Variants in GADL1 observed in about 807,000 individuals in gnomAD.
GADL1 encodes GAD like acidic amino acid decarboxylase 1, also known as acidic amino acid decarboxylase GADL1.
GADL1 carries 71 observed loss-of-function variants against 69.5 expected under a neutral mutation model. That is an observed-to-expected ratio of 1.02 (90% CI 0.84 to 1.25). GADL1 has a LOEUF of 1.25. Ranked by LOEUF, GADL1 falls within the 50% of genes most tolerant of loss-of-function variation. The pLI, the probability that GADL1 is intolerant of heterozygous loss-of-function variation, is 0.00. For missense variants in GADL1, 737 were observed against 631.8 expected (o/e 1.17, Z -1.79); for synonymous variants, 254 against 214.4 (o/e 1.18, Z -1.62).
chr3:30,810,432 G>T (rs141950148), intron 11 of GADL1, among the ~76,000 whole-genome samples: 121 of 151,812 alleles, frequency 8.0e-4, no homozygotes, highest in African/African-American at 2.5e-3. Flanking sequence ...TATATATAGA[G>T]AGAGAGATCT....
chr3:30,770,044 C>T (rs528957540), intron 14 of GADL1, among the ~76,000 whole-genome samples: 3 of 112,314 alleles, frequency 2.7e-5, no homozygotes, highest in African/African-American at 8.1e-5. Flanking sequence ...AAATAAGACC[C>T]GGCAACCCTG....
chr3:30,761,124 C>T (rs1309927002), intron 14 of GADL1, among the ~76,000 whole-genome samples: 1 of 152,054 alleles, frequency 6.6e-6, no homozygotes, highest in Non-Finnish European at 1.5e-5. Flanking sequence ...CTGAAGAGAC[C>T]CTGGACGTAA....
intron 6 of GADL1, among the ~76,000 whole-genome samples, chr3:30,845,187 G>A (rs17026685): frequency 0.021 from 3,178 of 152,270 alleles, 119 homozygotes; most frequent in African/African-American, 0.071. Context: ...TATGGCATGA[G>A]TGAGGCTAAT....
intron 6 of GADL1, among the ~76,000 whole-genome samples, chr3:30,845,568 G>A (rs1575231940): frequency 6.6e-6 from 1 of 152,040 alleles, no homozygotes; most frequent in Admixed American, 6.6e-5. Flanking sequence ...AAAAATAAAT[G>A]CAGAAGTAAC....
intron 11 of GADL1, among the ~76,000 whole-genome samples, chr3:30,821,139 A>C (rs1018134589): frequency 6.6e-6 from 1 of 152,068 alleles, no homozygotes; most frequent in African/African-American, 2.4e-5. Context: ...ACACATGGAC[A>C]CAGGAAGGGG....
chr3:30,756,596 A>AC (rs1695976536), intron 14 of GADL1, among the ~76,000 whole-genome samples: 1 of 152,172 alleles, frequency 6.6e-6, no homozygotes, highest in African/African-American at 2.4e-5. Context: ...CTAAATTCTG[A>AC]CCCAAGGCCT....
At position 30,844,434 on chromosome 3, in the gene GADL1, A is replaced by G. The variant is rs1698022110; in HGVS notation, c.684T>C (p.Phe228=). The change falls in exon 7 of 15, where the codon TTT becomes TTC. Residue 228 remains phenylalanine, a synonymous_variant. Transcript: ENST00000282538. The part of the protein sequence containing the change: ...CHYSMKKAAS[F]LGIGTENVCF... ...AAACATTCTCAGTGCCAATCCCAAGAAAAGAGGCTGCCTTCTTCATAGAGT... is the reference window on the plus strand; with the variant it reads ...AAACATTCTCAGTGCCAATCCCAAGGAAAGAGGCTGCCTTCTTCATAGAGT... 4.3e-6 allele frequency: 7 copies of G among 1,613,318 alleles called. No individual in the cohort carries two copies. Among genetic ancestry groups the G allele is most frequent in the Non-Finnish European group, 5.9e-6 (7 of 1,179,272 alleles).
At chr3:30,815,344 A>AG (rs1559507519) in intron 11 of GADL1, among the ~76,000 whole-genome samples, 2 of 152,286 alleles carry the variant, frequency 1.3e-5, no homozygotes, top group South Asian at 2.1e-4. Context: ...GTCGGTTAGG[A>AG]GGAGGGCTAT....
At chr3:30,813,732 G>A (rs779881893) in intron 11 of GADL1, among the ~76,000 whole-genome samples, 18 of 152,304 alleles carry the variant, frequency 1.2e-4, no homozygotes, top group East Asian at 3.9e-4. Context: ...TTCCCTGGTC[G>A]TCTTTGTATA....
Position 30,770,680 on chromosome 3 carries a change from C to T in GADL1, c.1392+7499G>A, listed in dbSNP as rs1438643848. On this transcript the variant is annotated intron_variant, in intron 14 of 14. Coordinates refer to ENST00000282538, the MANE Select transcript of GADL1 (RefSeq NM_207359.3). ...AGGCCCATGAGCTCAGAGAACTGGT[C>T]TCATCCTGACCTCAGGCCCGTGAGC... Among the ~76,000 whole-genome samples the T allele has an allele frequency of 2.0e-5, 3 of 152,134 alleles. No individual in the cohort carries two copies. In the East Asian group the frequency reaches 5.8e-4, roughly 29 times the overall value.
At position 30,800,957 on chromosome 3, in the gene GADL1, C is replaced by A; in HGVS notation, c.1182G>T (p.Trp394Cys). The change falls in exon 12 of 15, where the codon TGG becomes TGT. Residue 394 changes from tryptophan to cysteine, a missense_variant. Transcript: ENST00000282538. ...ATGTACCCAGGGCCTTCCAGGTCAT[C>A]CAGAACTTGAATGCATCTGGTCTTC... Reference protein sequence around the residue: ...CSRRPDAFKFWMTWKALGTLG... With the variant: ...CSRRPDAFKFCMTWKALGTLG... The A allele has an allele frequency of 6.2e-7, 1 of 1,613,732 alleles. No homozygotes were observed. The highest frequency in any genetic ancestry group is 8.5e-7 in the Non-Finnish European group (1 of 1,179,912).
intron 3 of GADL1, 41 bp from the exon 4 acceptor site, chr3:30,854,830 A>G (rs1296274713): frequency 9.9e-7 from 1 of 1,013,714 alleles, no homozygotes; most frequent in Admixed American, 2.4e-5. Context: ...GCAGCAATAA[A>G]AAAAAAAACT....
intron 1 of GADL1, among the ~76,000 whole-genome samples, chr3:30,880,334 C>T (rs1256114619): frequency 6.6e-6 from 1 of 151,864 alleles, no homozygotes; most frequent in African/African-American, 2.4e-5. Flanking sequence ...ACCCAAATCT[C>T]ATCTTGAACT....
intron 11 of GADL1, among the ~76,000 whole-genome samples, chr3:30,822,774 CATTTT>C (rs1415272411): frequency 6.6e-6 from 1 of 152,006 alleles, no homozygotes; most frequent in Non-Finnish European, 1.5e-5. Context: ...GCAGTGTTCT[CATTTT>C]ATTTACATTC....
intron 14 of GADL1, among the ~76,000 whole-genome samples, chr3:30,777,259 A>T (rs1696560036): frequency 6.6e-6 from 1 of 152,094 alleles, no homozygotes; most frequent in East Asian, 1.9e-4. Flanking sequence ...TTTAAAAAAA[A>T]AACGTTTTCC....
In GADL1 at chr3:30,850,892, GA is replaced by G; in HGVS notation, c.477del (p.Leu160Ter). The G allele has an allele frequency of 4.5e-6, 7 of 1,550,498 alleles. No homozygotes were observed. Among genetic ancestry groups the G allele is most frequent in the Non-Finnish European group, 6.1e-6 (7 of 1,146,132 alleles). ...SPVFLLVEEAVLKKMIEFIGW... is the reference protein window; with the variant it reads ...SPVFLLVEEAXLKKMIEFIGW... Reference sequence around the variant, plus strand: ...CCAATAAATTCAATCATTTTCTTCAGAACCGCTTCTTCCACTAACAGAAACA... The same window carrying G: ...CCAATAAATTCAATCATTTTCTTCAGACCGCTTCTTCCACTAACAGAAACA... On this transcript the variant is annotated frameshift_variant, in exon 5 of 15. Coordinates refer to ENST00000282538, the MANE Select transcript of GADL1 (RefSeq NM_207359.3). LOFTEE classifies it high-confidence loss of function.
intron 1 of GADL1, among the ~76,000 whole-genome samples, chr3:30,865,398 C>T (rs1286094646): frequency 1.3e-5 from 2 of 151,654 alleles, no homozygotes; most frequent in African/African-American, 4.8e-5. Context: ...TCCATAGCAC[C>T]CAGAAAGTGC....
chr3:30,866,382 C>T (rs950843304), intron 1 of GADL1, among the ~76,000 whole-genome samples: 12 of 152,012 alleles, frequency 7.9e-5, no homozygotes, highest in African/African-American at 2.9e-4. Flanking sequence ...TCAGTTGAAC[C>T]TGGGAGGAGA....
rs543310571 is a variant in GADL1 at position 30,888,241 on chromosome 3, G to A, written c.37+6337C>T. 3.9e-5 allele frequency among the ~76,000 whole-genome samples: 6 copies of A among 152,248 alleles called. No homozygotes were observed. The East Asian group carries it at 1.2e-3, about 29-fold the overall frequency. ...ATCAGGATGCTGGTTACTTATAGGG[G>A]AGAAAAGAGCTCTGGGAATGGGGCA... On this transcript the variant is annotated intron_variant, in intron 1 of 14. Transcript: ENST00000282538.
Sources: gnomAD v4.1 joint callset for allele counts (sites outside exome capture counted in the v4.1 genomes callset) on GRCh38, gnomAD v4.1.1 for gene constraint, MANE v1.5 for transcripts, NCBI Gene and HGNC (gene_info 2026-07-23, HGNC 2026-07-21) for gene names.